Variants in TXNDC15 observed in about 807,000 individuals in gnomAD.
TXNDC15 encodes the protein thioredoxin domain-containing protein 15.
A neutral mutation model predicts 35.0 loss-of-function variants in TXNDC15; 24 were observed. The ratio of observed to expected loss-of-function variants is 0.68; its 90% CI spans 0.50 to 0.96. The LOEUF (loss-of-function observed/expected upper bound fraction) is 0.96. TXNDC15 is among the 40% of genes least tolerant of loss of function. The probability of loss-of-function intolerance (pLI) is 0.00; values close to 1 mark genes in which losing one functional copy is unlikely to be tolerated. For synonymous variants in TXNDC15, 169 were observed against 174.0 expected, an observed-to-expected ratio of 0.97 and a Z score of 0.23; for missense variants, 385 against 453.3, an observed-to-expected ratio of 0.85 and a Z score of 1.37.
chr5:134,881,235 AG>A (rs1750138042), intron 1 of TXNDC15, among the ~76,000 whole-genome samples: 1 of 114,502 alleles, frequency 8.7e-6, no homozygotes, highest in Admixed American at 9.5e-5. Flanking sequence ...TTTCTCGCAG[AG>A]GGGGATTTGG....
upstream of TXNDC15, chr5:134,874,311 G>T: frequency 3.8e-6 from 3 of 793,162 alleles, no homozygotes; most frequent in South Asian, 5.7e-5. Context: ...CAGCTGCCAG[G>T]TGTTAAGATG....
At chr5:134,875,752 C>G (rs927586650) in intron 1 of TXNDC15, among the ~76,000 whole-genome samples, 1 of 152,130 alleles carries the variant, frequency 6.6e-6, no homozygotes, top group South Asian at 2.1e-4. Context: ...TCACTGCAAC[C>G]TCTGACTCCC....
intron 1 of TXNDC15, among the ~76,000 whole-genome samples, chr5:134,876,496 C>G (rs1479072209): frequency 1.3e-5 from 2 of 152,128 alleles, no homozygotes. Context: ...CTGTTACTGG[C>G]CTTGGAATTC....
intron 3 of TXNDC15, 138 bp from the exon 4 acceptor site, chr5:134,896,156 A>G: frequency 9.3e-7 from 1 of 1,076,316 alleles, no homozygotes; most frequent in South Asian, 1.7e-5. Context: ...TGAAAAAGCC[A>G]AAAGTTTCAA....
upstream of TXNDC15, chr5:134,874,147 G>C: frequency 2.8e-6 from 1 of 350,948 alleles, no homozygotes; most frequent in Non-Finnish European, 5.1e-6. Context: ...AGGAGGCCAT[G>C]GGCCTCTGCC....
At chr5:134,874,324 G>C, upstream of TXNDC15, 1 of 951,044 alleles carries the variant, frequency 1.1e-6, no homozygotes, top group Non-Finnish European at 1.5e-6. Flanking sequence ...TTAAGATGGC[G>C]GCGCGGGGCC....
chr5:134,896,402 A>G lies in TXNDC15; in HGVS notation c.864A>G (p.Lys288=), dbSNP rs1750488891. 1 of 1,613,468 alleles carries G rather than the reference A, an allele frequency of 6.2e-7. No homozygotes were observed. Among genetic ancestry groups the G allele is most frequent in the African/African-American group, 1.3e-5 (1 of 74,876 alleles). The change falls in exon 4 of 5, where the codon AAA becomes AAG. Residue 288 remains lysine (K), a synonymous_variant. Coordinates refer to ENST00000358387, the MANE Select transcript of TXNDC15 (RefSeq NM_024715.4). ...NHTDRTLETL[K]IFIFNQTGIE... Reference sequence around the variant, plus strand: ...CAGATCGAACACTGGAAACACTGAAAATCTTCATTTTTAATCAGACAGGTA... The same window carrying G: ...CAGATCGAACACTGGAAACACTGAAGATCTTCATTTTTAATCAGACAGGTA...
chr5:134,890,365 TTCTTTTC>T (rs1169550600), intron 2 of TXNDC15, among the ~76,000 whole-genome samples: 4 of 151,676 alleles, frequency 2.6e-5, no homozygotes, highest in South Asian at 2.1e-4. Flanking sequence ...TTCTTTTCTT[TTCTTTTC>T]TCTTTTCTCT....
intron 2 of TXNDC15, among the ~76,000 whole-genome samples, chr5:134,889,691 G>T (rs1750349935): frequency 6.6e-6 from 1 of 152,224 alleles, no homozygotes; most frequent in African/African-American, 2.4e-5. Context: ...GGGGGCAATT[G>T]CCTGGACCCT....
At position 134,888,051 on chromosome 5, in the gene TXNDC15, G is replaced by A. The variant is rs1275569062; in HGVS notation, c.460G>A (p.Ala154Thr). 1 of 1,614,194 alleles carries A rather than the reference G, an allele frequency of 6.2e-7. No homozygotes were observed. ...GGAGTATTACACAGAGCCAGAAGTG[G>A]CGGAATCTGACGCAGCCCCGACAGA... ...EEEYYTEPEV[A>T]ESDAAPTEDS... Residue 154 changes from alanine to threonine, a missense_variant, in exon 2 of 5, where the codon GCG becomes ACG. Coordinates refer to ENST00000358387, the MANE Select transcript of TXNDC15 (RefSeq NM_024715.4).
At chr5:134,878,215 A>G (rs567491650) in intron 1 of TXNDC15, among the ~76,000 whole-genome samples, 56 of 152,352 alleles carry the variant, frequency 3.7e-4, no homozygotes, top group Admixed American at 8.5e-4. Context: ...CCCAGTGTGC[A>G]GGTTAATTAA....
chr5:134,878,284 T>C (rs927096380), intron 1 of TXNDC15, among the ~76,000 whole-genome samples: 3 of 152,216 alleles, frequency 2.0e-5, no homozygotes, highest in African/African-American at 7.2e-5. Context: ...CTCATCATAA[T>C]CATCATCATC....
At chr5:134,894,550 G>A (rs1474476268) in intron 3 of TXNDC15, among the ~76,000 whole-genome samples, 4 of 151,724 alleles carry the variant, frequency 2.6e-5, no homozygotes, top group Admixed American at 6.6e-5. Context: ...ATTTTTAAAC[G>A]GGGTTTCACC....
At position 134,887,324 on chromosome 5, in the gene TXNDC15, A is replaced by G. The variant is rs115312577; in HGVS notation, c.104-371A>G. 5.0e-3 allele frequency among the ~76,000 whole-genome samples: 762 copies of G among 152,252 alleles called. 6 individuals carry two copies. The highest frequency in any genetic ancestry group is 0.017 in the African/African-American group (708 of 41,550). On this transcript the variant is annotated intron_variant, in intron 1 of 4. Coordinates refer to ENST00000358387, the MANE Select transcript of TXNDC15 (RefSeq NM_024715.4). ...CTCAGCCTCCCTAGTAGCTGGGATT[A>G]CAGGTGCCTGCCACCATGCCCGGCT...
chr5:134,887,940 G>A lies in TXNDC15; in HGVS notation c.349G>A (p.Gly117Arg). Residue 117 changes from glycine to arginine, a missense_variant, in exon 2 of 5, where the codon GGA (glycine) becomes AGA (arginine). Gly to Arg is a moderately radical substitution (Grantham distance 125, BLOSUM62 -2). Transcript: ENST00000358387. ...SEPSGVTCGA[G>R]GAEDSRCNVR... ...GCCTAGCGGCGTCACCTGTGGTGCT[G>A]GAGGAGCGGAGGACTCAAGGTGCAA... The A allele has an allele frequency of 6.2e-7, 1 of 1,614,230 alleles. No homozygotes were observed. Among genetic ancestry groups the A allele is most frequent in the Non-Finnish European group, 8.5e-7 (1 of 1,180,042 alleles).
intron 1 of TXNDC15, among the ~76,000 whole-genome samples, chr5:134,876,234 C>T (rs1175187585): frequency 6.6e-6 from 1 of 152,086 alleles, no homozygotes; most frequent in Non-Finnish European, 1.5e-5. Context: ...GTGTGGCTGT[C>T]CTGTGTGGAA....
intron 1 of TXNDC15, among the ~76,000 whole-genome samples, chr5:134,882,773 G>A (rs1259950165): frequency 1.3e-5 from 2 of 152,108 alleles, no homozygotes; most frequent in African/African-American, 4.8e-5. Flanking sequence ...AGGTTGCAGT[G>A]AGCCGAGATG....
Position 134,896,278 on chromosome 5 carries a change from C to T in TXNDC15, c.756-16C>T, listed in dbSNP as rs1408976159. The T allele has an allele frequency of 6.3e-6, 10 of 1,599,600 alleles. No homozygotes were observed. Among genetic ancestry groups the T allele is most frequent in the Admixed American group, 1.8e-5 (1 of 55,596 alleles). On this transcript the variant is annotated splice_polypyrimidine_tract_variant and intron_variant, in intron 3 of 4. Coordinates refer to ENST00000358387, the MANE Select transcript of TXNDC15 (RefSeq NM_024715.4). ...TTAATAATAAATTCAGGTTTTTTGA[C>T]TTCTTTCTCTTGTAGCCTTTCTACC... is the stretch of plus-strand genomic sequence containing the variant.
chr5:134,885,022 A>C (rs1305504640), intron 1 of TXNDC15, among the ~76,000 whole-genome samples: 2 of 151,540 alleles, frequency 1.3e-5, no homozygotes, highest in Non-Finnish European at 2.9e-5. Context: ...TCCTGGGTTC[A>C]AGTGATTCTC....
Sources: allele counts gnomAD v4.1 joint callset (sites outside exome capture counted in the v4.1 genomes callset), GRCh38; gene constraint gnomAD v4.1.1; transcripts MANE v1.5; gene names NCBI Gene and HGNC (gene_info 2026-07-23, HGNC 2026-07-21).